The following MTR variants were observed in gnomAD, a reference collection of about 807,000 sequenced individuals.
MTR encodes the protein 5-methyltetrahydrofolate-homocysteine methyltransferase, also known as methionine synthase.
A neutral mutation model predicts 154.8 loss-of-function variants in MTR; 84 were observed. The observed-to-expected ratio is 0.54, with a 90% CI of 0.45 to 0.65. The LOEUF (loss-of-function observed/expected upper bound fraction) is 0.65, where lower values mean the gene tolerates loss of function less well. Ranked by LOEUF, MTR falls within the 30% of genes least tolerant of loss-of-function variation. The pLI is 0.00. For missense variants in MTR, 1,275 were observed against 1,570.2 expected, an observed-to-expected ratio of 0.81 and a Z score of 3.18; for synonymous variants, 554 against 553.9, an observed-to-expected ratio of 1.00 and a Z score of 0.00.
intron 11 of MTR, among the ~76,000 whole-genome samples, chr1:236,828,383 C>CT (rs1166065928): frequency 6.6e-6 from 1 of 152,108 alleles, no homozygotes; most frequent in Non-Finnish European, 1.5e-5. Flanking sequence ...TTTGTTTCCT[C>CT]TTTAAAAAGA....
Position 236,863,461 on chromosome 1 carries a change from A to AC in MTR, c.2314dup (p.Gln772ProfsTer10). The stretch of plus-strand genomic sequence containing the variant: ...GCTTGGCTTCCTTTCCAGGACCCTT[A>AC]CCAGGGCACCATCGTGCTGGCCACT... On this transcript the variant is annotated frameshift_variant, in exon 22 of 33. Coordinates refer to ENST00000366577, the MANE Select transcript of MTR (RefSeq NM_000254.3). LOFTEE classifies it high-confidence loss of function. The AC allele has an allele frequency of 6.2e-7, 1 of 1,613,884 alleles. No individual in the cohort carries two copies. Among genetic ancestry groups the AC allele is most frequent in the Non-Finnish European group, 8.5e-7 (1 of 1,179,918 alleles).
chr1:236,891,479 C>A (rs905177543), intron 29 of MTR, 150 bp downstream of exon 29: 2 of 862,136 alleles, frequency 2.3e-6, no homozygotes, highest in Admixed American at 4.1e-5. Flanking sequence ...ACGCCCAAGC[C>A]CAAGCCATCT....
chr1:236,861,525 G>A (rs1169199114), intron 20 of MTR, among the ~76,000 whole-genome samples: 1 of 151,978 alleles, frequency 6.6e-6, no homozygotes, highest in Non-Finnish European at 1.5e-5. Flanking sequence ...TCTAATTTTT[G>A]TATCACCTCT....
rs1487098463 is a variant in MTR at position 236,835,627 on chromosome 1, T to C, written c.1269T>C (p.Asp423=). ...LDVNMDDGML[D]GPSAMTRFCN... is the part of the protein sequence containing the mutation. The stretch of plus-strand genomic sequence containing the variant: ...TCAACATGGATGATGGCATGCTAGA[T>C]GGTCCAAGTGCAATGACCAGATTTT... Residue 423 remains aspartate (D), a synonymous_variant, in exon 14 of 33, where the codon GAT becomes GAC. Transcript: ENST00000366577. 1.2e-6 allele frequency: 2 copies of C among 1,610,290 alleles called. No individual in the cohort carries two copies. The highest frequency in any genetic ancestry group is 3.4e-5 in the Admixed American group (2 of 59,428).
intron 25 of MTR, 137 bp downstream of exon 25, chr1:236,880,973 T>A: frequency 4.5e-6 from 4 of 880,934 alleles, no homozygotes; most frequent in Non-Finnish European, 7.5e-6. Context: ...GCTCATGGTG[T>A]GCCTCTGCAG....
At chr1:236,816,387 C>T in intron 7 of MTR, 62 bp from the exon 8 acceptor site, 1 of 1,419,386 alleles carries the variant, frequency 7.0e-7, no homozygotes, top group South Asian at 1.1e-5. Context: ...TTTATTTTGC[C>T]TTTATATCTA....
At chr1:236,892,477 G>A (rs780159691) in intron 29 of MTR, among the ~76,000 whole-genome samples, 1 of 152,128 alleles carries the variant, frequency 6.6e-6, no homozygotes, top group Non-Finnish European at 1.5e-5. Flanking sequence ...GTGAGACCCT[G>A]TCTCTAAAAA....
intron 16 of MTR, among the ~76,000 whole-genome samples, chr1:236,851,743 A>G (rs1558310534): frequency 6.6e-6 from 1 of 152,222 alleles, no homozygotes. Context: ...GAGCCTAATA[A>G]AAATAGAATC....
chr1:236,895,443 G>T lies in MTR; in HGVS notation c.3491G>T (p.Arg1164Leu), dbSNP rs61736326. ...GAGCAGCTGGACGTCGCAGACCTGC[G>T]CAGGCTGCGGTACAAGGGCATCCGC... Reference protein sequence around the residue: ...GSEQLDVADLRRLRYKGIRPA... With the variant: ...GSEQLDVADLLRLRYKGIRPA... The change falls in exon 31 of 33, where the codon CGC becomes CTC. Residue 1164 changes from arginine (R) to leucine (L), a missense_variant. Physicochemically the swap from Arg to Leu is moderately radical, Grantham distance 102. Transcript: ENST00000366577. The T allele has an allele frequency of 1.2e-6, 2 of 1,602,464 alleles. No individual in the cohort carries two copies. Among genetic ancestry groups the T allele is most frequent in the South Asian group, 1.1e-5 (1 of 88,834 alleles).
Position 236,816,581 on chromosome 1 carries a change from T to G in MTR, c.764+38T>G, listed in dbSNP as rs747182876. On this transcript the variant is annotated intron_variant, in intron 8 of 32. Coordinates refer to ENST00000366577, the MANE Select transcript of MTR (RefSeq NM_000254.3). ...TCTTTCTGTAACTTCTTTTCTTTTT[T>G]GGGGAACCTTTTCTGATGGCTGTGG... 1.4e-5 allele frequency: 22 copies of G among 1,563,174 alleles called. No homozygotes were observed. The African/African-American group carries it at 2.6e-4, about 18-fold the overall frequency.
chr1:236,799,554 C>CT (rs1368293530), intron 1 of MTR, among the ~76,000 whole-genome samples: 1 of 152,076 alleles, frequency 6.6e-6, no homozygotes, highest in Non-Finnish European at 1.5e-5. Context: ...CATAGACCGC[C>CT]TTTTTCACAT....
chr1:236,861,097 C>CTTTTCTTTTTTTTTT, intron 19 of MTR, 28 bp from the exon 20 acceptor site: 1 of 1,156,658 alleles, frequency 8.6e-7, no homozygotes. Context: ...CTTTCTTTTT[C>CTTTTCTTTTTTTTTT]TTTTTTTTTT....
chr1:236,819,162 T>C lies in MTR; in HGVS notation c.764+2619T>C, dbSNP rs1050748134. Among the ~76,000 whole-genome samples, 4 of 152,214 alleles carry C rather than the reference T, an allele frequency of 2.6e-5. No individual in the cohort carries two copies. In the East Asian group the frequency reaches 7.7e-4, roughly 29 times the overall value. ...AGGGTTCATTCTTGGTTTTGTATAT[T>C]CTGTGGGTTTTGACAAATATATCAT... On this transcript the variant is annotated intron_variant, in intron 8 of 32. Coordinates refer to ENST00000366577, the MANE Select transcript of MTR (RefSeq NM_000254.3).
rs1666989293 is a variant in MTR at position 236,903,009 on chromosome 1, C to T, written c.*5365C>T. The T allele has an allele frequency of 6.6e-6, 1 of 152,204 alleles. No individual in the cohort carries two copies. Among genetic ancestry groups the T allele is most frequent in the Non-Finnish European group, 1.5e-5 (1 of 68,066 alleles). The allele number at this position is 152,204 out of a possible 1,614,324, so 9.4% of individuals were successfully genotyped here. ...AAGAGCTGGGCACAGTGTCACATGC[C>T]TGTAAACCCAGCTATTCAGGAGGCT... On this transcript the variant is annotated 3_prime_UTR_variant, in exon 33 of 33. Coordinates refer to ENST00000366577, the MANE Select transcript of MTR (RefSeq NM_000254.3).
At chr1:236,858,326 TACTC>T (rs1272632901) in intron 18 of MTR, among the ~76,000 whole-genome samples, 6 of 152,174 alleles carry the variant, frequency 3.9e-5, no homozygotes, top group African/African-American at 9.7e-5. Context: ...TTGTGAGACT[TACTC>T]ACTATCACAA....
intron 7 of MTR, among the ~76,000 whole-genome samples, chr1:236,816,229 T>C (rs1661584230): frequency 6.6e-6 from 1 of 152,122 alleles, no homozygotes; most frequent in Non-Finnish European, 1.5e-5. Flanking sequence ...ACAGTGACTT[T>C]CCCTTGTCTC....
chr1:236,853,097 A>C lies in MTR; in HGVS notation c.1953+9A>C. 6.2e-7 allele frequency: 1 copy of C among 1,613,852 alleles called. No individual in the cohort carries two copies. Among genetic ancestry groups the C allele is most frequent in the South Asian group, 1.1e-5 (1 of 91,078 alleles). On this transcript the variant is annotated intron_variant, in intron 18 of 32. Coordinates refer to ENST00000366577, the MANE Select transcript of MTR (RefSeq NM_000254.3). ...TCTTACGTTATGCCCAGGTAGAGAG[A>C]CAAGTGTTCTAATAGATGGATTTTT...
In MTR at chr1:236,897,646, T is replaced by A. The variant is rs1396178421; in HGVS notation, c.*2T>A. 6.3e-6 allele frequency: 1 copy of A among 158,780 alleles called. No individual in the cohort carries two copies. Among genetic ancestry groups the A allele is most frequent in the South Asian group, 1.7e-4 (1 of 5,744 alleles). 9.8% of individuals were successfully genotyped at this position (158,780 alleles called of 1,614,324 possible). On this transcript the variant is annotated 3_prime_UTR_variant, in exon 33 of 33. Transcript: ENST00000366577. Reference sequence around the variant, plus strand: ...ATTTTGGGATATGATACAGACTAACTTTTTTTTTTTTTTTGCCTTTTTTAT... The same window carrying A: ...ATTTTGGGATATGATACAGACTAACATTTTTTTTTTTTTTGCCTTTTTTAT...
In MTR at chr1:236,827,989, A is replaced by T. The variant is rs575948517; in HGVS notation, c.995+1093A>T. ...CTCTTAGTAAATAATATATATATAT[A>T]TTTTTTGGGATGGAGTCTTGCTCTG... On this transcript the variant is annotated intron_variant, in intron 11 of 32. Transcript: ENST00000366577. 3.9e-3 allele frequency among the ~76,000 whole-genome samples: 599 copies of T among 151,856 alleles called. 4 individuals are homozygous for T. The highest frequency in any genetic ancestry group is 0.014 in the African/African-American group (577 of 41,406).
Sources: allele counts gnomAD v4.1 joint callset (sites outside exome capture counted in the v4.1 genomes callset), GRCh38; gene constraint gnomAD v4.1.1; transcripts MANE v1.5; gene names NCBI Gene and HGNC (gene_info 2026-07-23, HGNC 2026-07-21).